AHCYL2: variants seen among roughly 807,000 people sequenced by gnomAD.
The protein encoded by AHCYL2 is S-adenosylhomocysteine hydrolase-like protein 2.
Under a neutral mutation model 81.4 loss-of-function variants are expected in AHCYL2, and 28 were observed. That is an observed-to-expected ratio of 0.34 (90% confidence interval 0.25 to 0.47). AHCYL2 has a LOEUF of 0.47. AHCYL2 is among the 20% of genes least tolerant of loss of function. AHCYL2 has a pLI of 1.00. For missense variants in AHCYL2, 551 were observed against 785.1 expected (o/e 0.70, Z 3.56); for synonymous variants, 272 against 290.2 (o/e 0.94, Z 0.64).
chr7:129,379,587 T>A (rs868267163), intron 1 of AHCYL2, 51 bp from the exon 2 acceptor site: 1 of 1,413,180 alleles, frequency 7.1e-7, no homozygotes, highest in East Asian at 2.3e-5. Flanking sequence ...TGAATTGCTG[T>A]CTCAAAATGG....
intron 1 of AHCYL2, among the ~76,000 whole-genome samples, chr7:129,371,134 C>T (rs185694360): frequency 6.6e-6 from 1 of 152,246 alleles, no homozygotes; most frequent in East Asian, 1.9e-4. Context: ...CCATGTTGGG[C>T]CAAAGTTTCA....
At chr7:129,243,716 G>A (rs962930497) in intron 1 of AHCYL2, among the ~76,000 whole-genome samples, 1 of 151,936 alleles carries the variant, frequency 6.6e-6, no homozygotes, top group South Asian at 2.1e-4. Flanking sequence ...CGAGTAGCTG[G>A]GACTACAGGC....
chr7:129,271,890 G>A (rs1238638840), intron 1 of AHCYL2, among the ~76,000 whole-genome samples: 2 of 152,162 alleles, frequency 1.3e-5, no homozygotes, highest in Non-Finnish European at 2.9e-5. Context: ...ATGTTTTCAA[G>A]ATGGCTGATG....
intron 1 of AHCYL2, among the ~76,000 whole-genome samples, chr7:129,349,468 CAAAAAAAA>C (rs56205996): frequency 2.0e-5 from 2 of 98,472 alleles, no homozygotes; most frequent in East Asian, 6.0e-4. Context: ...CCATCTCTAC[CAAAAAAAA>C]AAAAAAAAAA....
chr7:129,310,655 G>A (rs554803342), intron 1 of AHCYL2, among the ~76,000 whole-genome samples: 14 of 152,292 alleles, frequency 9.2e-5, no homozygotes, highest in Non-Finnish European at 1.3e-4. Context: ...AGGATAGTTG[G>A]TAAGGTTAAA....
At chr7:129,264,630 A>G (rs1030300711) in intron 1 of AHCYL2, among the ~76,000 whole-genome samples, 2 of 152,224 alleles carry the variant, frequency 1.3e-5, no homozygotes, top group Non-Finnish European at 2.9e-5. Context: ...TGGAGATGGA[A>G]CAGTTTCTAG....
At chr7:129,349,789 C>T (rs1054761993) in intron 1 of AHCYL2, among the ~76,000 whole-genome samples, 4 of 151,950 alleles carry the variant, frequency 2.6e-5, no homozygotes. Flanking sequence ...CTGTTGACAT[C>T]TCTGTAAAAC....
At chr7:129,229,211 G>A (rs1207456147) in intron 1 of AHCYL2, among the ~76,000 whole-genome samples, 2 of 152,152 alleles carry the variant, frequency 1.3e-5, no homozygotes, top group Admixed American at 6.5e-5. Flanking sequence ...GGGATTACAG[G>A]CATGCACCAC....
intron 6 of AHCYL2, 148 bp from the exon 7 acceptor site, chr7:129,403,231 C>A: frequency 1.8e-5 from 8 of 436,316 alleles, no homozygotes; most frequent in Admixed American, 4.5e-5. Flanking sequence ...ATTGTATTTA[C>A]TCTGGCTTTA....
chr7:129,228,325 C>T (rs1374074972), intron 1 of AHCYL2, among the ~76,000 whole-genome samples: 2 of 152,174 alleles, frequency 1.3e-5, no homozygotes, highest in Non-Finnish European at 2.9e-5. Flanking sequence ...GGGGAATAAA[C>T]TTTTTACAAG....
chr7:129,298,665 C>A (rs1797137327), intron 1 of AHCYL2, among the ~76,000 whole-genome samples: 1 of 152,210 alleles, frequency 6.6e-6, no homozygotes, highest in Non-Finnish European at 1.5e-5. Context: ...TAAGGCCTTA[C>A]AAGAACCAAA....
intron 1 of AHCYL2, among the ~76,000 whole-genome samples, chr7:129,311,971 C>T (rs1426946704): frequency 6.6e-6 from 1 of 152,174 alleles, no homozygotes; most frequent in African/African-American, 2.4e-5. Context: ...CTTGTTCATT[C>T]TGCTACACTC....
chr7:129,288,927 G>A (rs1253317569), intron 1 of AHCYL2, among the ~76,000 whole-genome samples: 7 of 151,538 alleles, frequency 4.6e-5, no homozygotes, highest in Non-Finnish European at 1.0e-4. Flanking sequence ...GCACCACCAC[G>A]CCTGGCTAAT....
chr7:129,233,058 A>C (rs1794504119), intron 1 of AHCYL2, among the ~76,000 whole-genome samples: 1 of 152,218 alleles, frequency 6.6e-6, no homozygotes, highest in South Asian at 2.1e-4. Context: ...CAAATTAGAC[A>C]GATCAGTGTC....
Position 129,406,347 on chromosome 7 carries a change from C to G in AHCYL2, c.1207-31C>G, listed in dbSNP as rs1349565486. On this transcript the variant is annotated intron_variant, in intron 9 of 16. Transcript: ENST00000325006. This position sits in a 1 kb window ranked among gnomAD's most constrained non-coding sequence, Gnocchi z 4.3. ...GAGAAATGGTTTTCTCAGTGACTTTCCTTAATATGTGTGCTCTCTCCCCTC... is the reference window on the plus strand; with the variant it reads ...GAGAAATGGTTTTCTCAGTGACTTTGCTTAATATGTGTGCTCTCTCCCCTC... The G allele has an allele frequency of 3.1e-6, 5 of 1,601,708 alleles. No individual in the cohort carries two copies. The highest frequency in any genetic ancestry group is 1.1e-5 in the South Asian group (1 of 90,720).
At chr7:129,287,206 A>G (rs1796667467) in intron 1 of AHCYL2, among the ~76,000 whole-genome samples, 2 of 152,228 alleles carry the variant, frequency 1.3e-5, no homozygotes, top group Admixed American at 1.3e-4. Context: ...AATAAGAGTA[A>G]AAAGAACAAA....
At chr7:129,243,707 G>T (rs1018167410) in intron 1 of AHCYL2, among the ~76,000 whole-genome samples, 1 of 151,686 alleles carries the variant, frequency 6.6e-6, no homozygotes, top group Non-Finnish European at 1.5e-5. Context: ...TCAGCCTCCC[G>T]AGTAGCTGGG....
chr7:129,375,852 G>A (rs907370952), intron 1 of AHCYL2: 1 of 1,535,750 alleles, frequency 6.5e-7, no homozygotes, highest in Non-Finnish European at 8.7e-7. Context: ...AGGTGGCAGT[G>A]GGGCTGGTAA....
chr7:129,237,361 TTC>T lies in AHCYL2; in HGVS notation c.363+11926_363+11927del, dbSNP rs147653377. On this transcript the variant is annotated intron_variant, in intron 1 of 16. Coordinates refer to ENST00000325006, the MANE Select transcript of AHCYL2 (RefSeq NM_015328.4). ...ATATATTTTACCTTTTTCTGGTTTGTTCTCTGATTGTTTCTTTAACTTGTCTT... is the reference window on the plus strand; with the variant it reads ...ATATATTTTACCTTTTTCTGGTTTGTTCTGATTGTTTCTTTAACTTGTCTT... 8.9e-3 allele frequency among the ~76,000 whole-genome samples: 1,362 copies of T among 152,338 alleles called. 10 individuals carry two copies. The highest frequency in any genetic ancestry group is 0.014 in the Non-Finnish European group (932 of 68,030).
Sources: allele counts gnomAD v4.1 joint callset (sites outside exome capture counted in the v4.1 genomes callset), GRCh38; gene constraint gnomAD v4.1.1; non-coding constraint Gnocchi (gnomAD v3.1); transcripts MANE v1.5; gene names NCBI Gene and HGNC (gene_info 2026-07-23, HGNC 2026-07-21).